NSMF: variants seen among roughly 807,000 people sequenced by gnomAD.
The protein encoded by NSMF is NMDA receptor synaptonuclear signaling and neuronal migration factor, also known as nasal embryonic LHRH factor.
Under a neutral mutation model 71.0 loss-of-function variants are expected in NSMF, and 31 were observed. The observed-to-expected ratio is 0.44, with a 90% confidence interval of 0.33 to 0.59. The LOEUF (loss-of-function observed/expected upper bound fraction) is 0.59, where lower values mean the gene tolerates loss of function less well. Among genes scored for constraint, NSMF ranks in the 20% least tolerant of loss-of-function variants. The pLI is 0.04. For missense variants in NSMF, 673 were observed against 740.5 expected (o/e 0.91, Z 1.06); for synonymous variants, 345 against 287.1 (o/e 1.20, Z -2.04).
At chr9:137,451,157 G>T (rs1323675192) in intron 12 of NSMF, among the ~76,000 whole-genome samples, 1 of 10,424 alleles carries the variant, frequency 9.6e-5, no homozygotes, top group Admixed American at 1.2e-3. Context: ...CCCTTGTTCT[G>T]CCCTCCACGC....
chr9:137,452,444 G>C lies in NSMF; in HGVS notation c.1166-9C>G. ...CTTCCTCTCTATCTCCTCTGTGGGAGAGCGGGTGTGAGTGCTGCGGCCCCC... is the reference window on the plus strand; with the variant it reads ...CTTCCTCTCTATCTCCTCTGTGGGACAGCGGGTGTGAGTGCTGCGGCCCCC... On this transcript the variant is annotated splice_polypyrimidine_tract_variant and intron_variant, in intron 11 of 15. Transcript: ENST00000371475. 6.2e-7 allele frequency: 1 copy of C among 1,612,430 alleles called. No individual in the cohort carries two copies. Among genetic ancestry groups the C allele is most frequent in the South Asian group, 1.1e-5 (1 of 91,054 alleles).
At chr9:137,452,228 C>A (rs1473440228) in intron 12 of NSMF, 137 bp downstream of exon 12, 11 of 792,340 alleles carry the variant, frequency 1.4e-5, no homozygotes, top group Non-Finnish European at 2.3e-5. Context: ...TGGTCTCCCC[C>A]ACAAACACCT....
chr9:137,452,501 C>G, intron 11 of NSMF, 52 bp downstream of exon 11: 1 of 1,611,782 alleles, frequency 6.2e-7, no homozygotes, highest in South Asian at 1.1e-5. Flanking sequence ...CCACCTGTGT[C>G]TGCCCCTCCC....
In NSMF at chr9:137,449,179, G is replaced by A; in HGVS notation, c.*215C>T. ...CTGAGCATCCACGGGCCACAGGGCG[G>A]GATCCTCCCGGCCCCCAGGGACTGC... On this transcript the variant is annotated 3_prime_UTR_variant, in exon 16 of 16. Transcript: ENST00000371475. 3.3e-6 allele frequency: 2 copies of A among 603,586 alleles called. No homozygotes were observed. The highest frequency in any genetic ancestry group is 3.9e-5 in the South Asian group (2 of 51,706). 37.4% of individuals were successfully genotyped at this position (603,586 alleles called of 1,614,324 possible).
chr9:137,448,461 G>A lies in NSMF; in HGVS notation c.*933C>T, dbSNP rs778249022. On this transcript the variant is annotated 3_prime_UTR_variant, in exon 16 of 16. Transcript: ENST00000371475. The surrounding 1 kb of genome is among the most constrained non-coding windows in gnomAD (Gnocchi z 5.3). ...AGTCAGGAGCCCCTACAGTCCACCA[G>A]CTGCGCGGCCGGGTCCAGGGGCCCA... 1.3e-5 allele frequency: 2 copies of A among 152,266 alleles called. No individual in the cohort carries two copies. Among genetic ancestry groups the A allele is most frequent in the Non-Finnish European group, 2.9e-5 (2 of 68,056 alleles). The allele number at this position is 152,266 out of a possible 1,614,324, so 9.4% of individuals were successfully genotyped here. A position where few individuals can be genotyped will look rare whatever the true frequency, so the allele number is the denominator to read the frequency against.
chr9:137,456,208 G>GT lies in NSMF; in HGVS notation c.704+202_704+203insA, dbSNP rs59030620. 6.4e-3 allele frequency among the ~76,000 whole-genome samples: 794 copies of GT among 123,678 alleles called. 2 individuals are homozygous for GT. The highest frequency in any genetic ancestry group is 0.031 in the African/African-American group (745 of 23,976). The allele number at this position is 123,678 out of a possible 152,430, so 81.1% of individuals were successfully genotyped here. On this transcript the variant is annotated intron_variant, in intron 4 of 15. Coordinates refer to ENST00000371475, the MANE Select transcript of NSMF (RefSeq NM_001130969.3). ...CCAGGTCCCCTGACTGTGTGTGTGT[G>GT]GGGGGGGGGGCTGGGCACCAGCCAT...
Position 137,453,691 on chromosome 9 carries a change from G to C in NSMF, c.922+40C>G. The C allele has an allele frequency of 2.0e-6, 3 of 1,521,584 alleles. No homozygotes were observed. Among genetic ancestry groups the C allele is most frequent in the Non-Finnish European group, 2.7e-6 (3 of 1,118,396 alleles). 94.3% of individuals were successfully genotyped at this position (1,521,584 alleles called of 1,614,324 possible). A position where few individuals can be genotyped will look rare whatever the true frequency, so the allele number is the denominator to read the frequency against. On this transcript the variant is annotated intron_variant, in intron 8 of 15. Transcript: ENST00000371475. The surrounding 1 kb of genome is among the most constrained non-coding windows in gnomAD (Gnocchi z 4.5). ...CAGCAGGGGTCTGGGGTCTAGGGGA[G>C]GCTCTGGGGAAGGTGGGCGGGCCTG... is the stretch of plus-strand genomic sequence containing the variant.
intron 6 of NSMF, chr9:137,454,743 TA>T: frequency 6.8e-7 from 1 of 1,464,588 alleles, no homozygotes; most frequent in Non-Finnish European, 9.1e-7. Context: ...GCCCGGGACT[TA>T]CGCCCTGAGC....
chr9:137,458,767 G>GC (rs1564270591), intron 1 of NSMF, among the ~76,000 whole-genome samples: 1 of 152,122 alleles, frequency 6.6e-6, no homozygotes, highest in East Asian at 1.9e-4. Flanking sequence ...GAGAGGGGTC[G>GC]CGAGGCCGGT....
Position 137,449,937 on chromosome 9 carries a change from G to T in NSMF, c.1405C>A (p.Pro469Thr). ...HIMGCYILGN[P>T]NGEKLFQNLR... ...GGTCACTGTACCTTCTCTCCATTGG[G>T]GTTCCCCAGAATGTAGCAGCCCATG... The change falls in exon 14 of 16, where the codon CCC (proline) becomes ACC (threonine). Residue 469 changes from proline (P) to threonine (T), a missense_variant. Around this residue, in one of 2 missense-constraint regions of NSMF, gnomAD observed 202 missense variants for 280.8 expected, o/e 0.72. Transcript: ENST00000371475. 2.5e-6 allele frequency: 4 copies of T among 1,613,002 alleles called. No individual in the cohort carries two copies. The highest frequency in any genetic ancestry group is 3.4e-6 in the Non-Finnish European group (4 of 1,179,778).
At position 137,453,205 on chromosome 9, in the gene NSMF, A is replaced by T; in HGVS notation, c.923-25T>A. ...CCTGGGAAGCAAGAGGGTCACCAGG[A>T]CAGCAGGCCCGGCAGCACCTCCTAT... On this transcript the variant is annotated intron_variant, in intron 8 of 15. Transcript: ENST00000371475. This position sits in a 1 kb window ranked among gnomAD's most constrained non-coding sequence, Gnocchi z 4.5. The T allele has an allele frequency of 6.2e-7, 1 of 1,611,830 alleles. No homozygotes were observed.
intron 14 of NSMF, 32 bp from the exon 15 acceptor site, chr9:137,449,706 C>CA (rs1839812501): frequency 1.9e-6 from 3 of 1,589,260 alleles, no homozygotes; most frequent in Non-Finnish European, 2.6e-6. Flanking sequence ...GAGTCCGAGG[C>CA]AGAGAGATGG....
In NSMF at chr9:137,453,903, G is replaced by A. The variant is rs1357904440; in HGVS notation, c.833-83C>T. The A allele has an allele frequency of 8.4e-6, 10 of 1,186,286 alleles. No homozygotes were observed. The highest frequency in any genetic ancestry group is 1.5e-5 in the African/African-American group (1 of 66,030). The allele number at this position is 1,186,286 out of a possible 1,614,324, so 73.5% of individuals were successfully genotyped here. ...GACCCCAGGCGAGGGGACCACAGGG[G>A]CCCTGGGCAGAGGAGGAAGCTAATG... is the stretch of plus-strand genomic sequence containing the variant. On this transcript the variant is annotated intron_variant, in intron 7 of 15. Transcript: ENST00000371475. The surrounding 1 kb of genome is among the most constrained non-coding windows in gnomAD (Gnocchi z 4.5).
In NSMF at chr9:137,452,428, T is replaced by C; in HGVS notation, c.1173A>G (p.Ile391Met). ...HATFEDILEE[I>M]ERKLNVYHKG... is the part of the protein sequence containing the mutation. ...TGTGGTAGACGTTCAGCTTCCTCTC[T>C]ATCTCCTCTGTGGGAGAGCGGGTGT... The change falls in exon 12 of 16, where the codon ATA (isoleucine) becomes ATG (methionine). Residue 391 changes from isoleucine to methionine, a missense_variant. Ile to Met is a conservative substitution (Grantham distance 10, BLOSUM62 1). Around this residue, in one of 2 missense-constraint regions of NSMF, gnomAD observed 202 missense variants for 280.8 expected, o/e 0.72. Transcript: ENST00000371475. The C allele has an allele frequency of 6.2e-7, 1 of 1,612,514 alleles. No individual in the cohort carries two copies. The highest frequency in any genetic ancestry group is 8.5e-7 in the Non-Finnish European group (1 of 1,179,870).
rs375095859 is a variant in NSMF, at chr9:137,449,379, G to A, written c.*15C>T. The A allele has an allele frequency of 3.2e-5, 52 of 1,605,274 alleles. No homozygotes were observed. The highest frequency in any genetic ancestry group is 9.4e-5 in the African/African-American group (7 of 74,852). On this transcript the variant is annotated 3_prime_UTR_variant, in exon 16 of 16. Transcript: ENST00000371475. ...GGGAGTGGCCTGATGGTGACTGGGC[G>A]GAGGCCTCTGCCCCTCACAGGACGT... is the stretch of plus-strand genomic sequence containing the variant.
chr9:137,453,521 C>T lies in NSMF; in HGVS notation c.922+210G>A. 1.7e-6 allele frequency: 1 copy of T among 604,154 alleles called. No homozygotes were observed. Among genetic ancestry groups the T allele is most frequent in the African/African-American group, 1.9e-5 (1 of 53,876 alleles). The allele number at this position is 604,154 out of a possible 1,614,324, so 37.4% of individuals were successfully genotyped here. ...GCGAGTGGCGGTGGGCACGGCCCTA[C>T]AGGCGCCCCCGGCCAGCACTGCCGC... is the stretch of plus-strand genomic sequence containing the variant. On this transcript the variant is annotated intron_variant, in intron 8 of 15. Coordinates refer to ENST00000371475, the MANE Select transcript of NSMF (RefSeq NM_001130969.3). This position sits in a 1 kb window ranked among gnomAD's most constrained non-coding sequence, Gnocchi z 4.5.
intron 12 of NSMF, among the ~76,000 whole-genome samples, chr9:137,451,990 G>A (rs187842524): frequency 7.7e-5 from 1 of 13,008 alleles, no homozygotes. Context: ...GTTTCCCCCC[G>A]CCACACGCCT....
At chr9:137,458,458 C>A (rs368037190) in intron 2 of NSMF, 30 bp downstream of exon 2, 5 of 1,548,578 alleles carry the variant, frequency 3.2e-6, no homozygotes, top group Middle Eastern at 1.7e-4. Context: ...GGGGTCTGGG[C>A]GGCCCTGGCA....
chr9:137,455,503 A>G, intron 5 of NSMF, 126 bp downstream of exon 5: 4 of 1,243,228 alleles, frequency 3.2e-6, no homozygotes, highest in Non-Finnish European at 4.6e-6. Context: ...GCTGGGAGCC[A>G]GGCCCGCAGA....
Sources: gnomAD v4.1 joint callset for allele counts (sites outside exome capture counted in the v4.1 genomes callset) on GRCh38, gnomAD v4.1.1 for gene constraint, gnomAD v4.1.1 regional missense constraint, Gnocchi (gnomAD v3.1) non-coding constraint, MANE v1.5 for transcripts, NCBI Gene and HGNC (gene_info 2026-07-23, HGNC 2026-07-21) for gene names.